Variants in LILRA2 observed in about 807,000 individuals in gnomAD.
LILRA2 encodes leukocyte immunoglobulin like receptor A2.
In LILRA2, 45 loss-of-function variants were observed where a neutral mutation model predicts 47.9. The ratio of observed to expected loss-of-function variants is 0.94; its 90% confidence interval spans 0.74 to 1.20. The LOEUF (loss-of-function observed/expected upper bound fraction) is 1.20. Among genes scored for constraint, LILRA2 ranks in the 50% most tolerant of loss-of-function variants. LILRA2 has a pLI of 0.00. For synonymous variants in LILRA2, 279 were observed against 249.2 expected, an observed-to-expected ratio of 1.12 and a Z score of -1.13; for missense variants, 651 against 598.2, an observed-to-expected ratio of 1.09 and a Z score of -0.92.
intron 6 of LILRA2, among the ~76,000 whole-genome samples, chr19:54,578,671 AG>A (rs1267223735): frequency 1.3e-5 from 2 of 152,204 alleles, no homozygotes; most frequent in African/African-American, 4.8e-5. Context: ...TGGTAGTTCT[AG>A]TTGTAGATTC....
upstream of LILRA2, chr19:54,573,050 C>A: frequency 4.6e-6 from 1 of 219,166 alleles, no homozygotes; most frequent in South Asian, 6.6e-5. Flanking sequence ...AAGGGGTGAT[C>A]ATAGCTCCCT....
chr19:54,578,976 T>G (rs2062561070), intron 6 of LILRA2, among the ~76,000 whole-genome samples: 1 of 151,956 alleles, frequency 6.6e-6, no homozygotes, highest in African/African-American at 2.4e-5. Context: ...TTTTTTTTTG[T>G]AAATGTGTTT....
chr19:54,576,098 T>G lies in LILRA2; in HGVS notation c.1244T>G (p.Leu415Arg), dbSNP rs777421492. 2 of 1,614,172 alleles carry G rather than the reference T, an allele frequency of 1.2e-6. No homozygotes were observed. Among genetic ancestry groups the G allele is most frequent in the South Asian group, 2.2e-5 (2 of 91,078 alleles). The change falls in exon 6 of 8, where the codon CTC becomes CGC. Residue 415 changes from leucine (L) to arginine (R), a missense_variant. Physicochemically the swap from Leu to Arg is moderately radical, Grantham distance 102. Coordinates refer to ENST00000391738, the MANE Select transcript of LILRA2 (RefSeq NM_001130917.3). ...LLSLPSDPLE[L>R]VVSEAAETLS... ...TCTCTCCCCAGTGACCCCCTGGAGC[T>G]CGTGGTCTCAGGTGAGGGCCCTGAT...
chr19:54,573,526 G>C (rs2062211154), upstream of LILRA2: 1 of 862,988 alleles, frequency 1.2e-6, no homozygotes, highest in South Asian at 1.4e-5. Flanking sequence ...GGAAGCCTCT[G>C]CTCACCCTCA....
Position 54,587,271 on chromosome 19 carries a change from C to T in LILRA2, c.1377C>T (p.Val459=), listed in dbSNP as rs1033483388. The T allele has an allele frequency of 1.4e-5, 22 of 1,614,086 alleles. No individual in the cohort carries two copies. The highest frequency in any genetic ancestry group is 1.8e-5 in the Non-Finnish European group (21 of 1,180,020). The change falls in exon 8 of 8, where the codon GTC becomes GTT. Residue 459 remains valine, a synonymous_variant. Transcript: ENST00000391738. ...NLIRMGVAGL[V]LVVLGILLFE... ...TCCGCATGGGTGTGGCTGGCTTGGT[C>T]CTGGTGGTCCTCGGGATTCTGCTAT...
Position 54,587,259 on chromosome 19 carries a change from G to A in LILRA2, c.1365G>A (p.Val455=). ...TGGAGAATCTCATCCGCATGGGTGT[G>A]GCTGGCTTGGTCCTGGTGGTCCTCG... ...YTVENLIRMG[V]AGLVLVVLGI... The change falls in exon 8 of 8, where the codon GTG becomes GTA. Residue 455 remains valine (V), a synonymous_variant. Coordinates refer to ENST00000391738, the MANE Select transcript of LILRA2 (RefSeq NM_001130917.3). 1 of 1,614,142 alleles carries A rather than the reference G, an allele frequency of 6.2e-7. No homozygotes were observed. Among genetic ancestry groups the A allele is most frequent in the East Asian group, 2.2e-5 (1 of 44,876 alleles).
rs761938153 is a variant in LILRA2 at position 54,575,449 on chromosome 19, C to T, written c.849C>T (p.Gly283=). The T allele has an allele frequency of 3.9e-5, 63 of 1,613,782 alleles. No individual in the cohort carries two copies. Among genetic ancestry groups the T allele is most frequent in the Non-Finnish European group, 5.0e-5 (59 of 1,179,986 alleles). The stretch of plus-strand genomic sequence containing the variant: ...TCTCCCAGGCCAACTTCACCCTGGG[C>T]CCTGTGAGCCCCTCCCACGGGGGCC... The part of the protein sequence containing the change: ...AGLSQANFTL[G]PVSPSHGGQY... Residue 283 remains glycine, a synonymous_variant, in exon 5 of 8, where the codon GGC becomes GGT. Transcript: ENST00000391738.
At position 54,574,310 on chromosome 19, in the gene LILRA2, C is replaced by G; in HGVS notation, c.80C>G (p.Pro27Arg). 1.2e-6 allele frequency: 2 copies of G among 1,614,200 alleles called. No homozygotes were observed. The highest frequency in any genetic ancestry group is 1.3e-5 in the African/African-American group (1 of 75,078). Residue 27 changes from proline to arginine, a missense_variant, in exon 3 of 8, where the codon CCC becomes CGC. By Grantham distance (103) the Pro-to-Arg change is moderately radical. Coordinates refer to ENST00000391738, the MANE Select transcript of LILRA2 (RefSeq NM_001130917.3). ...PRTHVQAGHL[P>R]KPTLWAEPGS... ...TCTGATTTCCTTCCAGGGCACCTCC[C>G]CAAGCCCACCCTCTGGGCTGAGCCA...
chr19:54,587,035 A>G lies in LILRA2; in HGVS notation c.1281A>G (p.Ser427=), dbSNP rs777928599. ...VSEAAETLSP[S]QNKTDSTTTS... The stretch of plus-strand genomic sequence containing the variant: ...AAGCAGCTGAGACCCTCAGCCCATC[A>G]CAAAACAAGACAGACTCCACGACTA... Residue 427 remains serine (S), a synonymous_variant, in exon 7 of 8, where the codon TCA becomes TCG. Coordinates refer to ENST00000391738, the MANE Select transcript of LILRA2 (RefSeq NM_001130917.3). The G allele has an allele frequency of 6.2e-7, 1 of 1,613,518 alleles. No homozygotes were observed. The highest frequency in any genetic ancestry group is 2.2e-5 in the East Asian group (1 of 44,864).
At chr19:54,577,475 T>C in intron 6 of LILRA2, 6 of 1,286,634 alleles carry the variant, frequency 4.7e-6, no homozygotes, top group Non-Finnish European at 6.1e-6. Flanking sequence ...AGCCCCTGAG[T>C]ATAAGCCCTT....
Position 54,575,303 on chromosome 19 carries a change from GC to G in LILRA2, c.707del (p.Pro236LeufsTer5). On this transcript the variant is annotated frameshift_variant, in exon 5 of 8. Coordinates refer to ENST00000391738, the MANE Select transcript of LILRA2 (RefSeq NM_001130917.3). LOFTEE classifies it high-confidence loss of function. ...CTCAGTGCAGCCAGGTCCTATGGTG[GC>G]CCCTGGGGAGAGCCTGACCCTCCAG... Reference protein sequence around the residue: ...SLSVQPGPMVAPGESLTLQCV... With the variant: ...SLSVQPGPMVXPGESLTLQCV... 6.2e-7 allele frequency: 1 copy of G among 1,613,608 alleles called. No homozygotes were observed.
rs1337020584 is a variant in LILRA2 at position 54,589,173 on chromosome 19, T to C, written c.*1827T>C. 6.6e-6 allele frequency: 1 copy of C among 152,088 alleles called. No homozygotes were observed. The highest frequency in any genetic ancestry group is 1.5e-5 in the Non-Finnish European group (1 of 68,006). The allele number at this position is 152,088 out of a possible 1,614,324, so 9.4% of individuals were successfully genotyped here. ...CAGATCAGATTAGGACTCATCCTAATTCGTTATGATCCCTTGATCATAACT... is the reference window on the plus strand; with the variant it reads ...CAGATCAGATTAGGACTCATCCTAACTCGTTATGATCCCTTGATCATAACT... On this transcript the variant is annotated 3_prime_UTR_variant, in exon 8 of 8. Transcript: ENST00000391738.
rs1395458026 is a variant in LILRA2, at chr19:54,590,155, T to G, written c.*2809T>G. 6.6e-6 allele frequency: 1 copy of G among 152,224 alleles called. No homozygotes were observed. The highest frequency in any genetic ancestry group is 1.5e-5 in the Non-Finnish European group (1 of 68,040). The allele number at this position is 152,224 out of a possible 1,614,324, so 9.4% of individuals were successfully genotyped here. A position where few individuals can be genotyped will look rare whatever the true frequency, so the allele number is the denominator to read the frequency against. ...CTCCTTATTTCCTTCATTCTGAAAG[T>G]GTGACACATAGAGATATATCTGTTT... On this transcript the variant is annotated 3_prime_UTR_variant, in exon 8 of 8. Transcript: ENST00000391738.
chr19:54,583,377 A>C (rs1314733831), intron 6 of LILRA2, among the ~76,000 whole-genome samples: 1 of 152,184 alleles, frequency 6.6e-6, no homozygotes, highest in Non-Finnish European at 1.5e-5. Flanking sequence ...GAGGGGTGTT[A>C]AAGTCTCCTA....
intron 6 of LILRA2, chr19:54,577,731 TTCACAGCACG>T (rs1188018144): frequency 8.1e-7 from 1 of 1,233,022 alleles, no homozygotes; most frequent in African/African-American, 1.6e-5. Flanking sequence ...CAGGCAAGTA[TTCACAGCACG>T]TCTTTCTGTT....
chr19:54,573,070 G>T (rs766402508), upstream of LILRA2: 2 of 217,362 alleles, frequency 9.2e-6, no homozygotes, highest in South Asian at 6.8e-5. Context: ...TGCAGCCTCC[G>T]CCTCCCAGGC....
intron 6 of LILRA2, among the ~76,000 whole-genome samples, chr19:54,579,614 A>G (rs1227659157): frequency 1.3e-5 from 2 of 151,978 alleles, no homozygotes; most frequent in African/African-American, 4.8e-5. Flanking sequence ...TTCCATATGA[A>G]CTTTAAAGTA....
chr19:54,590,193 C>T lies in LILRA2; in HGVS notation c.*2847C>T, dbSNP rs1415139061. 6.7e-6 allele frequency: 1 copy of T among 149,738 alleles called. No homozygotes were observed. Among genetic ancestry groups the T allele is most frequent in the African/African-American group, 2.6e-5 (1 of 39,098 alleles). The allele number at this position is 149,738 out of a possible 1,614,324, so 9.3% of individuals were successfully genotyped here. ...GATATATCTGTTTCCTCTTCTCACT[C>T]TATTCTTTGTGTGCATTAATTATCT... is the stretch of plus-strand genomic sequence containing the variant. On this transcript the variant is annotated 3_prime_UTR_variant, in exon 8 of 8. Transcript: ENST00000391738.
At chr19:54,576,265 C>G (rs1175574629) in intron 6 of LILRA2, among the ~76,000 whole-genome samples, 156 bp downstream of exon 6, 1 of 151,038 alleles carries the variant, frequency 6.6e-6, no homozygotes, top group African/African-American at 2.4e-5. Flanking sequence ...GCAGGGACCT[C>G]CCACCCCTGG....
Sources: gnomAD v4.1 joint callset for allele counts (sites outside exome capture counted in the v4.1 genomes callset) on GRCh38, gnomAD v4.1.1 for gene constraint, MANE v1.5 for transcripts, NCBI Gene and HGNC (gene_info 2026-07-23, HGNC 2026-07-21) for gene names.